EPHX4: variants seen among roughly 807,000 people sequenced by gnomAD.
The protein encoded by EPHX4 is abhydrolase domain containing 7.
EPHX4 carries 31 observed loss-of-function variants against 44.9 expected under a neutral mutation model. The observed-to-expected ratio is 0.69, with a 90% confidence interval of 0.52 to 0.93. The LOEUF is 0.93. EPHX4 is among the 40% of genes least tolerant of loss of function. EPHX4 has a pLI of 0.00. For missense variants in EPHX4, 373 were observed against 438.1 expected, an observed-to-expected ratio of 0.85 and a Z score of 1.33; for synonymous variants, 151 against 159.7, an observed-to-expected ratio of 0.95 and a Z score of 0.41.
At chr1:92,060,113 T>C (rs948801215) in intron 6 of EPHX4, among the ~76,000 whole-genome samples, 1 of 151,918 alleles carries the variant, frequency 6.6e-6, no homozygotes, top group Non-Finnish European at 1.5e-5. Flanking sequence ...AAAACTGCAA[T>C]ATCATAAGGT....
In EPHX4 at chr1:92,034,420, T is replaced by C. The variant is rs143621536; in HGVS notation, c.317+1830T>C. On this transcript the variant is annotated intron_variant, in intron 2 of 6. Transcript: ENST00000370383. Reference sequence around the variant, plus strand: ...AAATAGGTCAAGAAATTGATGTTTTTAAAAGCCCAGTTCCCTTAGTTGACT... The same window carrying C: ...AAATAGGTCAAGAAATTGATGTTTTCAAAAGCCCAGTTCCCTTAGTTGACT... Among the ~76,000 whole-genome samples the C allele has an allele frequency of 2.9e-3, 438 of 152,226 alleles. 1 individual carries two copies. The highest frequency in any genetic ancestry group is 9.9e-3 in the African/African-American group (413 of 41,532).
chr1:92,055,652 G>C (rs1050293910), intron 6 of EPHX4, among the ~76,000 whole-genome samples: 1 of 152,016 alleles, frequency 6.6e-6, no homozygotes, highest in African/African-American at 2.4e-5. Context: ...TGAAGTTCAC[G>C]TATTCTTGTT....
At chr1:92,062,597 A>G (rs1459003205) in intron 6 of EPHX4, among the ~76,000 whole-genome samples, 5 of 150,938 alleles carry the variant, frequency 3.3e-5, no homozygotes, top group Admixed American at 3.3e-4. Context: ...AAAAAAAAAA[A>G]AAAAAAAAAA....
chr1:92,047,548 A>G (rs1453991598), intron 4 of EPHX4, among the ~76,000 whole-genome samples: 1 of 152,242 alleles, frequency 6.6e-6, no homozygotes, highest in African/African-American at 2.4e-5. Flanking sequence ...GAATATTAAA[A>G]AGATGTACTC....
intron 6 of EPHX4, among the ~76,000 whole-genome samples, chr1:92,062,825 TA>T (rs1266723115): frequency 6.6e-6 from 1 of 152,140 alleles, no homozygotes; most frequent in Admixed American, 6.5e-5. Context: ...TTTTTTTCCC[TA>T]ATCACCCCCA....
At position 92,050,223 on chromosome 1, in the gene EPHX4, C is replaced by T. The variant is rs1267586918; in HGVS notation, c.605-94C>T. 5.4e-6 allele frequency: 4 copies of T among 744,774 alleles called. No homozygotes were observed. In the South Asian group the frequency reaches 5.4e-5, roughly 10 times the overall value. The allele number at this position is 744,774 out of a possible 1,614,324, so 46.1% of individuals were successfully genotyped here. A position where few individuals can be genotyped will look rare whatever the true frequency, so the allele number is the denominator to read the frequency against. ...TTACTTATGGATTCTTTTATGGGAT[C>T]ATCTTAAAGTAAAATTGTCCTAAAA... On this transcript the variant is annotated intron_variant, in intron 4 of 6. Transcript: ENST00000370383.
At chr1:92,061,296 G>A (rs1647489981) in intron 6 of EPHX4, among the ~76,000 whole-genome samples, 1 of 152,176 alleles carries the variant, frequency 6.6e-6, no homozygotes, top group Non-Finnish European at 1.5e-5. Context: ...TACTTGCATG[G>A]TGTCAGAAGT....
At chr1:92,036,595 T>C (rs1406523084) in intron 2 of EPHX4, among the ~76,000 whole-genome samples, 3 of 152,162 alleles carry the variant, frequency 2.0e-5, no homozygotes, top group Admixed American at 2.0e-4. Flanking sequence ...GATTAAGAAA[T>C]ATGTGAAGAT....
intron 6 of EPHX4, among the ~76,000 whole-genome samples, chr1:92,058,262 A>C (rs989532109): frequency 6.6e-6 from 1 of 151,976 alleles, no homozygotes; most frequent in Non-Finnish European, 1.5e-5. Context: ...ACCAACATGG[A>C]GAAACCTCAC....
chr1:92,039,971 G>A (rs969641847), intron 2 of EPHX4, among the ~76,000 whole-genome samples: 7 of 151,858 alleles, frequency 4.6e-5, no homozygotes, highest in African/African-American at 1.7e-4. Flanking sequence ...ATGTTTATTA[G>A]CATTTTCTTT....
At position 92,030,085 on chromosome 1, in the gene EPHX4, G is replaced by T. The variant is rs2101863410; in HGVS notation, c.6G>T (p.Ala2=). 6.3e-7 allele frequency: 1 copy of T among 1,594,410 alleles called. No homozygotes were observed. The highest frequency in any genetic ancestry group is 8.5e-7 in the Non-Finnish European group (1 of 1,172,632). The change falls in exon 1 of 7, where the codon GCG becomes GCT. Residue 2 remains alanine, a synonymous_variant. Coordinates refer to ENST00000370383, the MANE Select transcript of EPHX4 (RefSeq NM_173567.5). ...GGCCCCGCCGCCGCCTCCCAATGGC[G>T]AGGCTGCGGGATTGCCTGCCCCGCC... M[A]RLRDCLPRLM...
chr1:92,063,179 C>G lies in EPHX4; in HGVS notation c.982C>G (p.Leu328Val). 3.1e-6 allele frequency: 5 copies of G among 1,614,060 alleles called. No homozygotes were observed. The highest frequency in any genetic ancestry group is 1.1e-5 in the South Asian group (1 of 91,072). The stretch of plus-strand genomic sequence containing the variant: ...GATTTATGTTAAAAACTATTTCAGG[C>G]TAACTATTTTGTCAGAAGCCAGTCA... ...TKIYVKNYFR[L>V]TILSEASHWL... Residue 328 changes from leucine (L) to valine (V), a missense_variant, in exon 7 of 7, where the codon CTA becomes GTA. Leu to Val is a conservative substitution (Grantham distance 32, BLOSUM62 1). Coordinates refer to ENST00000370383, the MANE Select transcript of EPHX4 (RefSeq NM_173567.5).
intron 4 of EPHX4, among the ~76,000 whole-genome samples, chr1:92,046,438 C>T (rs1457618155): frequency 1.3e-5 from 2 of 152,130 alleles, no homozygotes; most frequent in Non-Finnish European, 2.9e-5. Flanking sequence ...CTATACCAAA[C>T]TTAAAAATTA....
intron 4 of EPHX4, among the ~76,000 whole-genome samples, chr1:92,050,113 TA>T (rs1208882777): frequency 6.6e-6 from 1 of 150,808 alleles, no homozygotes; most frequent in Admixed American, 6.6e-5. Context: ...AAATAAAAAA[TA>T]AAAAAAATAA....
intron 4 of EPHX4, among the ~76,000 whole-genome samples, chr1:92,046,481 T>C (rs1485909706): frequency 6.6e-6 from 1 of 152,230 alleles, no homozygotes; most frequent in African/African-American, 2.4e-5. Context: ...TTTGTTTTTT[T>C]GAGATGGAGT....
rs74334710 is a variant in EPHX4, at chr1:92,043,178, T to C, written c.475+198T>C. The C allele has an allele frequency of 2.2e-3, 967 of 446,922 alleles. 11 individuals are homozygous for C. The highest frequency in any genetic ancestry group is 0.017 in the African/African-American group (853 of 49,724). 27.7% of individuals were successfully genotyped at this position (446,922 alleles called of 1,614,324 possible). A position where few individuals can be genotyped will look rare whatever the true frequency, so the allele number is the denominator to read the frequency against. ...TGATGCATCTAGAGCAACTATTCTG[T>C]CTACCAGCCAAGAATGACTTTTCAG... On this transcript the variant is annotated intron_variant, in intron 3 of 6. Transcript: ENST00000370383.
At chr1:92,035,447 C>T (rs1053069314) in intron 2 of EPHX4, among the ~76,000 whole-genome samples, 3 of 152,114 alleles carry the variant, frequency 2.0e-5, no homozygotes, top group African/African-American at 4.8e-5. Flanking sequence ...GTCAAAATGT[C>T]GAAAATCTTT....
chr1:92,030,481 TGTGTGAGAGA>T (rs1688342388), intron 1 of EPHX4, among the ~76,000 whole-genome samples, 171 bp downstream of exon 1: 1 of 145,726 alleles, frequency 6.9e-6, no homozygotes, highest in Non-Finnish European at 1.5e-5. Flanking sequence ...TGTGTGTGTG[TGTGTGAGAGA>T]GAGAGAGAGA....
chr1:92,052,472 CA>C lies in EPHX4; in HGVS notation c.709-32del, dbSNP rs530151925. 92 of 1,543,742 alleles carry C rather than the reference CA, an allele frequency of 6.0e-5. No individual in the cohort carries two copies. The South Asian group carries it at 1.1e-3, about 19-fold the overall frequency. On this transcript the variant is annotated intron_variant, in intron 5 of 6. Coordinates refer to ENST00000370383, the MANE Select transcript of EPHX4 (RefSeq NM_173567.5). ...AAAGACTTAGCTTATTATTAGATAA[CA>C]AAAAAGTTTTAATTATTGTTTTCTC...
Sources: allele counts gnomAD v4.1 joint callset (sites outside exome capture counted in the v4.1 genomes callset), GRCh38; gene constraint gnomAD v4.1.1; transcripts MANE v1.5; gene names NCBI Gene and HGNC (gene_info 2026-07-23, HGNC 2026-07-21).